NAT8L: variants seen among roughly 807,000 people sequenced by gnomAD.
The protein encoded by NAT8L is aspartate N-acetyltransferase.
A neutral mutation model predicts 21.2 loss-of-function variants in NAT8L; 6 were observed. The observed-to-expected ratio is 0.28, with a 90% CI of 0.16 to 0.56. The LOEUF is 0.56. NAT8L is among the 20% of genes least tolerant of loss of function. The probability of loss-of-function intolerance (pLI) is 0.93; values close to 1 mark genes in which losing one functional copy is unlikely to be tolerated. For missense variants in NAT8L, 331 were observed against 433.3 expected, an observed-to-expected ratio of 0.76 and a Z score of 2.10; for synonymous variants, 239 against 204.9, an observed-to-expected ratio of 1.17 and a Z score of -1.42.
intron 2 of NAT8L, among the ~76,000 whole-genome samples, 183 bp downstream of exon 2, chr4:2,061,345 G>A (rs1729886037): frequency 6.6e-6 from 1 of 152,234 alleles, no homozygotes; most frequent in African/African-American, 2.4e-5. Context: ...GGGGAGGCAC[G>A]GCCGGTTCCT....
Position 2,060,781 on chromosome 4 carries a change from C to A in NAT8L, c.377-217C>A, listed in dbSNP as rs938917567. Reference sequence around the variant, plus strand: ...CTGCCGTGTTTGGAAGCTCAGAGACCCGCCGAGGCTCATTCCAGGCGGTGG... The same window carrying A: ...CTGCCGTGTTTGGAAGCTCAGAGACACGCCGAGGCTCATTCCAGGCGGTGG... On this transcript the variant is annotated intron_variant, in intron 1 of 2. Transcript: ENST00000423729. The surrounding 1 kb of genome is among the most constrained non-coding windows in gnomAD (Gnocchi z 4.7). 6.6e-6 allele frequency among the ~76,000 whole-genome samples: 1 copy of A among 152,170 alleles called. No individual in the cohort carries two copies. The highest frequency in any genetic ancestry group is 2.4e-5 in the African/African-American group (1 of 41,444).
In NAT8L at chr4:2,065,308, C is replaced by G. The variant is rs956935095; in HGVS notation, c.*1181C>G. Reference sequence around the variant, plus strand: ...TGGGGGGCAAGGGAGTCCGCAGCCTCCGGGAGGAGGGGCAGGGCGCTGCCT... The same window carrying G: ...TGGGGGGCAAGGGAGTCCGCAGCCTGCGGGAGGAGGGGCAGGGCGCTGCCT... On this transcript the variant is annotated 3_prime_UTR_variant, in exon 3 of 3. Transcript: ENST00000423729. The G allele has an allele frequency of 6.6e-6, 1 of 151,982 alleles. No individual in the cohort carries two copies. The highest frequency in any genetic ancestry group is 1.5e-5 in the Non-Finnish European group (1 of 68,054). 9.4% of individuals were successfully genotyped at this position (151,982 alleles called of 1,614,324 possible).
chr4:2,059,855 C>T lies in NAT8L; in HGVS notation c.344C>T (p.Pro115Leu). Reference protein sequence around the residue: ...NTAFRGLRQHPRAQLLYALLA... With the variant: ...NTAFRGLRQHLRAQLLYALLA... ...GCCTTCCGCGGCCTGCGGCAGCACCCGCGCGCGCAGCTGCTCTACGCCCTG... is the reference window on the plus strand; with the variant it reads ...GCCTTCCGCGGCCTGCGGCAGCACCTGCGCGCGCAGCTGCTCTACGCCCTG... Residue 115 changes from proline to leucine, a missense_variant, in exon 1 of 3, where the codon CCG becomes CTG. Around this residue, in one of 2 missense-constraint regions of NAT8L, gnomAD observed 199 missense variants for 196.1 expected, o/e 1.01. Transcript: ENST00000423729. This position sits in a 1 kb window ranked among gnomAD's most constrained non-coding sequence, Gnocchi z 4.8. The T allele has an allele frequency of 1.5e-6, 2 of 1,378,984 alleles. No homozygotes were observed. The highest frequency in any genetic ancestry group is 1.9e-6 in the Non-Finnish European group (2 of 1,055,502). 85.4% of individuals were successfully genotyped at this position (1,378,984 alleles called of 1,614,324 possible).
rs775516348 is a variant in NAT8L, at chr4:2,064,071, C to T, written c.853C>T (p.Arg285Cys). 4.4e-6 allele frequency: 7 copies of T among 1,608,886 alleles called. No homozygotes were observed. Among genetic ancestry groups the T allele is most frequent in the Non-Finnish European group, 5.1e-6 (6 of 1,179,132 alleles). The change falls in exon 3 of 3, where the codon CGC becomes TGC. Residue 285 changes from arginine (R) to cysteine (C), a missense_variant. Coordinates refer to ENST00000423729, the MANE Select transcript of NAT8L (RefSeq NM_178557.4). ...GGGCATGACCCTCTCGCTGGCTGAG[C>T]GCCTCTTCTTCCAGGTCCGCTACCA... Reference protein sequence around the residue: ...LPGMTLSLAERLFFQVRYHRY... With the variant: ...LPGMTLSLAECLFFQVRYHRY...
chr4:2,062,850 C>CT, intron 2 of NAT8L, among the ~76,000 whole-genome samples: 1 of 152,156 alleles, frequency 6.6e-6, no homozygotes, highest in Non-Finnish European at 1.5e-5. Context: ...TGGCCCTCCA[C>CT]TGGCCAAACC....
chr4:2,061,277 G>A (rs2108680063), intron 2 of NAT8L, 115 bp downstream of exon 2: 2 of 1,516,778 alleles, frequency 1.3e-6, no homozygotes, highest in Non-Finnish European at 1.8e-6. Flanking sequence ...GGCCTGAGCC[G>A]GGGCCCCTGT....
chr4:2,063,142 C>G (rs749753674), intron 2 of NAT8L, among the ~76,000 whole-genome samples: 1 of 152,266 alleles, frequency 6.6e-6, no homozygotes, highest in Non-Finnish European at 1.5e-5. Flanking sequence ...CATCCCCTGT[C>G]CCCCACTTGG....
At chr4:2,062,127 A>G (rs1729906021) in intron 2 of NAT8L, among the ~76,000 whole-genome samples, 1 of 152,160 alleles carries the variant, frequency 6.6e-6, no homozygotes, top group Admixed American at 6.5e-5. Context: ...CACACGGGGC[A>G]TGGCCCTGCT....
Position 2,064,657 on chromosome 4 carries a change from C to T in NAT8L, c.*530C>T, listed in dbSNP as rs566071387. On this transcript the variant is annotated 3_prime_UTR_variant, in exon 3 of 3. Transcript: ENST00000423729. ...CCCTGCCCAGACTGGACCCGGAGACCCGGGCTGGTGAGCGCCCCTGTCCCC... is the reference window on the plus strand; with the variant it reads ...CCCTGCCCAGACTGGACCCGGAGACTCGGGCTGGTGAGCGCCCCTGTCCCC... 1.2e-4 allele frequency: 18 copies of T among 153,510 alleles called. No homozygotes were observed. In the East Asian group the frequency reaches 3.1e-3, roughly 26 times the overall value. 9.5% of individuals were successfully genotyped at this position (153,510 alleles called of 1,614,324 possible). A position where few individuals can be genotyped will look rare whatever the true frequency, so the allele number is the denominator to read the frequency against.
rs1394330348 is a variant in NAT8L, at chr4:2,059,665, C to T, written c.154C>T (p.Pro52Ser). Residue 52 changes from proline (P) to serine (S), a missense_variant, in exon 1 of 3, where the codon CCC becomes TCC. Pro to Ser is a moderately conservative substitution (Grantham distance 74). Coordinates refer to ENST00000423729, the MANE Select transcript of NAT8L (RefSeq NM_178557.4). This position sits in a 1 kb window ranked among gnomAD's most constrained non-coding sequence, Gnocchi z 4.8. ...CGCCGCGCCCGGGCCGGCCGCCGCG[C>T]CCCCCGCGCCCCCACCTGCCCCGGT... ...LPAAPGPAAAPPAPPPAPVAQ... is the reference protein window; with the variant it reads ...LPAAPGPAAASPAPPPAPVAQ... 3.1e-6 allele frequency: 3 copies of T among 976,218 alleles called. No individual in the cohort carries two copies. Among genetic ancestry groups the T allele is most frequent in the Non-Finnish European group, 3.6e-6 (3 of 822,320 alleles). 60.5% of individuals were successfully genotyped at this position (976,218 alleles called of 1,614,324 possible). A position where few individuals can be genotyped will look rare whatever the true frequency, so the allele number is the denominator to read the frequency against.
In NAT8L at chr4:2,059,612, C is replaced by G; in HGVS notation, c.101C>G (p.Ala34Gly). 1 of 980,146 alleles carries G rather than the reference C, an allele frequency of 1.0e-6. No individual in the cohort carries two copies. The highest frequency in any genetic ancestry group is 1.2e-6 in the Non-Finnish European group (1 of 827,418). The allele number at this position is 980,146 out of a possible 1,614,324, so 60.7% of individuals were successfully genotyped here. The change falls in exon 1 of 3, where the codon GCC becomes GGC. Residue 34 changes from alanine (A) to glycine (G), a missense_variant. Coordinates refer to ENST00000423729, the MANE Select transcript of NAT8L (RefSeq NM_178557.4). The surrounding 1 kb of genome is among the most constrained non-coding windows in gnomAD (Gnocchi z 4.8). ...GCCAAGAAGGACGCGCTGCTCGCCG[C>G]CGCCGGCGCCATGTGGCCCCCGCTG... ...PGAKKDALLAAAGAMWPPLPA... is the reference protein window; with the variant it reads ...PGAKKDALLAGAGAMWPPLPA...
chr4:2,063,717 A>G (rs1488636845), intron 2 of NAT8L, 43 bp from the exon 3 acceptor site: 1 of 1,605,188 alleles, frequency 6.2e-7, no homozygotes. Flanking sequence ...GGGTCTCCCC[A>G]GCCTTCCTCA....
chr4:2,063,675 G>T (rs1577667813), intron 2 of NAT8L, 85 bp from the exon 3 acceptor site: 1 of 1,596,184 alleles, frequency 6.3e-7, no homozygotes. Context: ...AGGGGGCAGT[G>T]CCAAGGGCCC....
chr4:2,064,366 G>C lies in NAT8L; in HGVS notation c.*239G>C, dbSNP rs1442157005. 4.8e-6 allele frequency: 1 copy of C among 207,048 alleles called. No individual in the cohort carries two copies. The highest frequency in any genetic ancestry group is 2.4e-5 in the African/African-American group (1 of 42,276). 12.8% of individuals were successfully genotyped at this position (207,048 alleles called of 1,614,324 possible). ...CCCCTCGCCCTTCCCCACCTGCCTG[G>C]GCGGCTTGCCACCTGAAGAGTGGCA... On this transcript the variant is annotated 3_prime_UTR_variant, in exon 3 of 3. Coordinates refer to ENST00000423729, the MANE Select transcript of NAT8L (RefSeq NM_178557.4).
chr4:2,061,047 G>C lies in NAT8L; in HGVS notation c.426G>C (p.Pro142=), dbSNP rs1560944172. 1 of 1,594,100 alleles carries C rather than the reference G, an allele frequency of 6.3e-7. No individual in the cohort carries two copies. The highest frequency in any genetic ancestry group is 8.5e-7 in the Non-Finnish European group (1 of 1,171,540). ...CGCTGCTGCTGACGTGCCTGGTGCC[G>C]GCCGCGCTGCTGGGCCTGCGCTACT... ...SRSLLLTCLV[P]AALLGLRYYY... is the part of the protein sequence containing the mutation. Residue 142 remains proline (P), a synonymous_variant, in exon 2 of 3, where the codon CCG becomes CCC. Transcript: ENST00000423729.
rs777120957 is a variant in NAT8L, at chr4:2,067,191, C to T, written c.*3064C>T. The T allele has an allele frequency of 6.6e-6, 1 of 152,384 alleles. No individual in the cohort carries two copies. Among genetic ancestry groups the T allele is most frequent in the Non-Finnish European group, 1.5e-5 (1 of 68,148 alleles). The allele number at this position is 152,384 out of a possible 1,614,324, so 9.4% of individuals were successfully genotyped here. On this transcript the variant is annotated 3_prime_UTR_variant, in exon 3 of 3. Transcript: ENST00000423729. Reference sequence around the variant, plus strand: ...AGCGTAGGGAGTTGAGCCCCGCAGCCGTGGCGGCATCTCCTCCTCCTTCCT... The same window carrying T: ...AGCGTAGGGAGTTGAGCCCCGCAGCTGTGGCGGCATCTCCTCCTCCTTCCT...
At position 2,064,852 on chromosome 4, in the gene NAT8L, G is replaced by C. The variant is rs183168958; in HGVS notation, c.*725G>C. ...TGTGCTGACTGGTGTCATCACCCAG[G>C]TGACTCCCATGGCGTCCGTGGCACA... On this transcript the variant is annotated 3_prime_UTR_variant, in exon 3 of 3. Transcript: ENST00000423729. 2 of 152,908 alleles carry C rather than the reference G, an allele frequency of 1.3e-5. No homozygotes were observed. Among genetic ancestry groups the C allele is most frequent in the East Asian group, 1.9e-4 (1 of 5,170 alleles). 9.5% of individuals were successfully genotyped at this position (152,908 alleles called of 1,614,324 possible).
In NAT8L at chr4:2,059,738, G is replaced by A; in HGVS notation, c.227G>A (p.Arg76His). 8.3e-7 allele frequency: 1 copy of A among 1,207,114 alleles called. No homozygotes were observed. Among genetic ancestry groups the A allele is most frequent in the Non-Finnish European group, 1.0e-6 (1 of 966,496 alleles). The allele number at this position is 1,207,114 out of a possible 1,614,324, so 74.8% of individuals were successfully genotyped here. A position where few individuals can be genotyped will look rare whatever the true frequency, so the allele number is the denominator to read the frequency against. Reference sequence around the variant, plus strand: ...GGGGGCGCGGGGCCGCCGGGGGGGCGCGGCGTGTGCATCCGCGAGTTCCGT... The same window carrying A: ...GGGGGCGCGGGGCCGCCGGGGGGGCACGGCGTGTGCATCCGCGAGTTCCGT... ...GAGGAGPPGG[R>H]GVCIREFRAA... Residue 76 changes from arginine (R) to histidine (H), a missense_variant, in exon 1 of 3, where the codon CGC (arginine) becomes CAC (histidine). This residue lies in a region of NAT8L where 199 missense variants were observed against 196.1 expected (regional missense o/e 1.01). Transcript: ENST00000423729. The surrounding 1 kb of genome is among the most constrained non-coding windows in gnomAD (Gnocchi z 4.8).
Position 2,065,744 on chromosome 4 carries a change from T to G in NAT8L, c.*1617T>G, listed in dbSNP as rs1729985605. On this transcript the variant is annotated 3_prime_UTR_variant, in exon 3 of 3. Transcript: ENST00000423729. ...TTAGCAATTGAGGTGTGCAGAGCACTGTACAGACCCCACTCCCCTGTACAT... is the reference window on the plus strand; with the variant it reads ...TTAGCAATTGAGGTGTGCAGAGCACGGTACAGACCCCACTCCCCTGTACAT... 6.6e-6 allele frequency: 1 copy of G among 152,482 alleles called. No homozygotes were observed. Among genetic ancestry groups the G allele is most frequent in the African/African-American group, 2.4e-5 (1 of 41,444 alleles). 9.4% of individuals were successfully genotyped at this position (152,482 alleles called of 1,614,324 possible).
Sources: gnomAD v4.1 joint callset for allele counts (sites outside exome capture counted in the v4.1 genomes callset) on GRCh38, gnomAD v4.1.1 for gene constraint, gnomAD v4.1.1 regional missense constraint, Gnocchi (gnomAD v3.1) non-coding constraint, MANE v1.5 for transcripts, NCBI Gene and HGNC (gene_info 2026-07-23, HGNC 2026-07-21) for gene names.